Variants in MSRB3 observed in about 807,000 individuals in gnomAD.
The protein encoded by MSRB3 is methionine-R-sulfoxide reductase B3.
In MSRB3, 13 loss-of-function variants were observed where a neutral mutation model predicts 21.0. The observed-to-expected ratio is 0.62, with a 90% CI of 0.40 to 0.98. The LOEUF is 0.98. Among genes scored for constraint, MSRB3 ranks in the 50% least tolerant of loss-of-function variants. The pLI is 0.00. For synonymous variants in MSRB3, 87 were observed against 88.6 expected (o/e 0.98, Z 0.10); for missense variants, 199 against 230.3 (o/e 0.86, Z 0.88).
At chr12:65,287,453 GA>G (rs1872433919) in intron 1 of MSRB3, among the ~76,000 whole-genome samples, 1 of 152,100 alleles carries the variant, frequency 6.6e-6, no homozygotes, top group African/African-American at 2.4e-5. Context: ...TATTGTGTTT[GA>G]TTGTCAGAGA....
At chr12:65,309,889 A>G (rs1340367156) in intron 2 of MSRB3, among the ~76,000 whole-genome samples, 8 of 152,178 alleles carry the variant, frequency 5.3e-5, no homozygotes, top group Admixed American at 5.2e-4. Context: ...AGAAGAGGTA[A>G]GGAAGGAAAG....
intron 4 of MSRB3, among the ~76,000 whole-genome samples, chr12:65,347,760 A>G (rs1198592689): frequency 6.6e-6 from 1 of 152,192 alleles, no homozygotes. Context: ...GATATGTCCC[A>G]TCAGTACCTA....
At position 65,369,017 on chromosome 12, in the gene MSRB3, T is replaced by A; in HGVS notation, c.283T>A (p.Ser95Thr). ...TTGCAGGTCAGAAACCAAATTTGAC[T>A]CCGGTTCAGGTATGTTTACATTAAT... ...PLFKSETKFD[S>T]GSGWPSFHDV... Residue 95 changes from serine (S) to threonine (T), a missense_variant, in exon 5 of 7, where the codon TCC (serine) becomes ACC (threonine). Physicochemically the swap from Ser to Thr is moderately conservative, Grantham distance 58. Transcript: ENST00000308259. The A allele has an allele frequency of 1.3e-6, 2 of 1,511,626 alleles. No individual in the cohort carries two copies. Among genetic ancestry groups the A allele is most frequent in the Admixed American group, 1.8e-5 (1 of 56,482 alleles). 93.6% of individuals were successfully genotyped at this position (1,511,626 alleles called of 1,614,324 possible). A position where few individuals can be genotyped will look rare whatever the true frequency, so the allele number is the denominator to read the frequency against.
chr12:65,391,646 G>A (rs1879488505), intron 5 of MSRB3, among the ~76,000 whole-genome samples: 1 of 152,114 alleles, frequency 6.6e-6, no homozygotes, highest in South Asian at 2.1e-4. Context: ...TTTTTCAAAA[G>A]TTCATTTGTA....
intron 5 of MSRB3, among the ~76,000 whole-genome samples, chr12:65,450,681 T>C (rs1456163335): frequency 6.6e-6 from 1 of 152,220 alleles, no homozygotes; most frequent in African/African-American, 2.4e-5. Context: ...ATGTCAAAAC[T>C]GACATAAACA....
At chr12:65,326,403 A>C (rs1875029969) in intron 2 of MSRB3, among the ~76,000 whole-genome samples, 1 of 152,190 alleles carries the variant, frequency 6.6e-6, no homozygotes, top group Admixed American at 6.5e-5. Flanking sequence ...TATTCTACTA[A>C]GTTGCAAAAT....
At chr12:65,406,955 T>C (rs905156468) in intron 5 of MSRB3, among the ~76,000 whole-genome samples, 2 of 152,354 alleles carry the variant, frequency 1.3e-5, no homozygotes, top group Middle Eastern at 3.4e-3. Context: ...AATCTGCCAG[T>C]GCCTTGATCT....
intron 4 of MSRB3, among the ~76,000 whole-genome samples, chr12:65,345,517 A>ATG (rs1876430108): frequency 6.6e-6 from 1 of 152,116 alleles, no homozygotes; most frequent in Non-Finnish European, 1.5e-5. Flanking sequence ...AATTGACGAA[A>ATG]TGTTGTGAAG....
At chr12:65,370,386 A>G (rs1281161694) in intron 5 of MSRB3, among the ~76,000 whole-genome samples, 1 of 152,180 alleles carries the variant, frequency 6.6e-6, no homozygotes, top group Non-Finnish European at 1.5e-5. Context: ...CCAGTCACCA[A>G]ATATTAATTA....
intron 1 of MSRB3, among the ~76,000 whole-genome samples, chr12:65,290,090 A>G (rs1872589649): frequency 6.6e-6 from 1 of 151,824 alleles, no homozygotes; most frequent in African/African-American, 2.4e-5. Flanking sequence ...TCAAATCTGT[A>G]TTTTCTCCTA....
chr12:65,303,121 G>C (rs1167656754), intron 1 of MSRB3, among the ~76,000 whole-genome samples: 1 of 152,020 alleles, frequency 6.6e-6, no homozygotes, highest in Non-Finnish European at 1.5e-5. Flanking sequence ...AAAAACCACT[G>C]ATGTAGACAT....
intron 1 of MSRB3, among the ~76,000 whole-genome samples, chr12:65,288,300 C>T (rs1266017560): frequency 2.0e-5 from 3 of 149,100 alleles, no homozygotes; most frequent in Non-Finnish European, 4.4e-5. Flanking sequence ...AGACCCCGTC[C>T]CCCCCGCAAA....
intron 5 of MSRB3, among the ~76,000 whole-genome samples, chr12:65,427,232 G>A (rs1354422142): frequency 1.3e-5 from 2 of 152,154 alleles, no homozygotes; most frequent in Non-Finnish European, 2.9e-5. Flanking sequence ...GGAACTTGCT[G>A]GGTGGGGGAT....
intron 5 of MSRB3, among the ~76,000 whole-genome samples, chr12:65,405,043 T>C (rs1194553134): frequency 3.9e-5 from 6 of 151,922 alleles, no homozygotes; most frequent in Non-Finnish European, 7.4e-5. Context: ...GAAAGCCTCC[T>C]GGGTTCAAGC....
intron 5 of MSRB3, among the ~76,000 whole-genome samples, chr12:65,450,790 T>C (rs1049802702): frequency 6.6e-6 from 1 of 152,182 alleles, no homozygotes; most frequent in African/African-American, 2.4e-5. Context: ...CTTTCCTTAT[T>C]ATTAGGAGTT....
chr12:65,373,327 A>G (rs1878423975), intron 5 of MSRB3, among the ~76,000 whole-genome samples: 1 of 152,216 alleles, frequency 6.6e-6, no homozygotes, highest in South Asian at 2.1e-4. Flanking sequence ...TAGCTTTCTG[A>G]CCAAGAAGAA....
chr12:65,363,432 C>T (rs1207093704), intron 4 of MSRB3, among the ~76,000 whole-genome samples: 1 of 152,072 alleles, frequency 6.6e-6, no homozygotes, highest in Non-Finnish European at 1.5e-5. Context: ...TAAAAGTGAC[C>T]TCTTTTGAAA....
At chr12:65,463,035 C>T (rs1883399860) in intron 6 of MSRB3, 120 bp from the exon 7 acceptor site, 2 of 1,239,952 alleles carry the variant, frequency 1.6e-6, no homozygotes, top group South Asian at 2.4e-5. Flanking sequence ...TAGAAATCAT[C>T]CACGATGGTT....
intron 5 of MSRB3, among the ~76,000 whole-genome samples, chr12:65,433,694 T>C (rs1881989571): frequency 6.6e-6 from 1 of 151,980 alleles, no homozygotes; most frequent in Admixed American, 6.6e-5. Context: ...ATTTGTCTTT[T>C]CAAAAATTCA....
Sources: allele counts gnomAD v4.1 joint callset (sites outside exome capture counted in the v4.1 genomes callset), GRCh38; gene constraint gnomAD v4.1.1; transcripts MANE v1.5; gene names NCBI Gene and HGNC (gene_info 2026-07-23, HGNC 2026-07-21).